The following BICDL2 variants were observed in gnomAD, a reference collection of about 807,000 sequenced individuals.
BICDL2 encodes BICD family-like cargo adapter 2.
Under a neutral mutation model 56.6 loss-of-function variants are expected in BICDL2, and 62 were observed. The ratio of observed to expected loss-of-function variants is 1.10; its 90% confidence interval spans 0.89 to 1.35. BICDL2 has a LOEUF of 1.35. BICDL2 is among the 40% of genes most tolerant of loss of function. The probability of loss-of-function intolerance (pLI) is 0.00; values close to 1 mark genes in which losing one functional copy is unlikely to be tolerated. For missense variants in BICDL2, 808 were observed against 684.5 expected (o/e 1.18, Z -2.01); for synonymous variants, 358 against 319.8 (o/e 1.12, Z -1.27).
intron 8 of BICDL2, 90 bp from the exon 9 acceptor site, chr16:3,028,558 A>T: frequency 7.2e-6 from 11 of 1,532,862 alleles, no homozygotes; most frequent in Non-Finnish European, 9.6e-6. Flanking sequence ...GGGCGGGAGG[A>T]GGGCTGCAAA....
intron 2 of BICDL2, among the ~76,000 whole-genome samples, chr16:3,033,302 G>GT (rs1280975012): frequency 6.6e-6 from 1 of 151,838 alleles, no homozygotes; most frequent in Non-Finnish European, 1.5e-5. Context: ...GAGACTCCAT[G>GT]TAAATAACAA....
chr16:3,030,020 T>C, intron 5 of BICDL2: 1 of 508,586 alleles, frequency 2.0e-6, no homozygotes, highest in Non-Finnish European at 3.4e-6. Context: ...GCAGCATTTA[T>C]TGGTGCTACT....
chr16:3,033,786 C>T (rs1955689009), intron 2 of BICDL2, among the ~76,000 whole-genome samples: 1 of 131,702 alleles, frequency 7.6e-6, no homozygotes, highest in Non-Finnish European at 1.7e-5. Context: ...GACCCTGTCT[C>T]CAAAAAAAGA....
chr16:3,033,741 C>T (rs1482820569), intron 2 of BICDL2, among the ~76,000 whole-genome samples: 1 of 151,896 alleles, frequency 6.6e-6, no homozygotes, highest in African/African-American at 2.4e-5. Flanking sequence ...GCTATGATTG[C>T]ACCACTGCAC....
At chr16:3,031,972 C>A (rs1303733766) in intron 2 of BICDL2, 1 of 152,706 alleles carries the variant, frequency 6.5e-6, no homozygotes, top group East Asian at 1.9e-4. Context: ...TACTCTTTGG[C>A]CCAGGCTAGA....
intron 1 of BICDL2, chr16:3,036,471 C>G: frequency 2.2e-6 from 1 of 456,456 alleles, no homozygotes; most frequent in Non-Finnish European, 4.4e-6. Context: ...GCACACACAC[C>G]CGTGCTCTCC....
intron 2 of BICDL2, chr16:3,031,700 G>C (rs368860303): frequency 2.5e-6 from 1 of 400,222 alleles, no homozygotes; most frequent in Admixed American, 4.3e-5. Flanking sequence ...GTTAACCTCT[G>C]GCCCACTCTC....
chr16:3,028,086 C>T lies in BICDL2; in HGVS notation c.*20G>A, dbSNP rs1195077760. On this transcript the variant is annotated 3_prime_UTR_variant, in exon 10 of 10. Coordinates refer to ENST00000572449, the MANE Select transcript of BICDL2 (RefSeq NM_001369667.1). ...AAGTGAGCCCCTAAGTGGGCAAGGG[C>T]AGCCCTCTGGGCCCAGCCGTCAGGT... The T allele has an allele frequency of 1.4e-6, 2 of 1,407,916 alleles. No individual in the cohort carries two copies. Among genetic ancestry groups the T allele is most frequent in the East Asian group, 5.9e-5 (2 of 34,040 alleles). The allele number at this position is 1,407,916 out of a possible 1,614,324, so 87.2% of individuals were successfully genotyped here.
chr16:3,032,522 C>G (rs1955671748), intron 2 of BICDL2: 1 of 152,158 alleles, frequency 6.6e-6, no homozygotes, highest in African/African-American at 2.4e-5. Context: ...AGCTTAGAGT[C>G]CAGAGGGCAT....
chr16:3,035,648 C>G (rs994217367), intron 1 of BICDL2, 122 bp from the exon 2 acceptor site: 1 of 845,624 alleles, frequency 1.2e-6, no homozygotes, highest in African/African-American at 1.7e-5. Flanking sequence ...TCCTGGGCCA[C>G]AAAGGGTTAA....
At chr16:3,036,337 C>T (rs1364716127) in intron 1 of BICDL2, 2 of 444,448 alleles carry the variant, frequency 4.5e-6, no homozygotes, top group East Asian at 7.0e-5. Context: ...CGGTCCGCCC[C>T]TGGGGACGGG....
Position 3,028,440 on chromosome 16 carries a change from G to A in BICDL2, c.1267C>T (p.Arg423Cys), listed in dbSNP as rs937350977. Residue 423 changes from arginine to cysteine, a missense_variant, in exon 9 of 10, where the codon CGC (arginine) becomes TGC (cysteine). Coordinates refer to ENST00000572449, the MANE Select transcript of BICDL2 (RefSeq NM_001369667.1). ...KALELSLQLN[R>C]VSLERDSLSR... ...AGGGAGTCTCGCTCCAGCGAGACGC[G>A]GTTGAGCTGCAGGGACAGCTCCAGG... 2.6e-6 allele frequency: 4 copies of A among 1,565,888 alleles called. No individual in the cohort carries two copies. The African/African-American group carries it at 5.4e-5, about 21-fold the overall frequency.
At position 3,029,330 on chromosome 16, in the gene BICDL2, C is replaced by T. The variant is rs774472557; in HGVS notation, c.1057G>A (p.Ala353Thr). The change falls in exon 7 of 10, where the codon GCG becomes ACG. Residue 353 changes from alanine to threonine, a missense_variant. Ala to Thr is a moderately conservative substitution (Grantham distance 58). Coordinates refer to ENST00000572449, the MANE Select transcript of BICDL2 (RefSeq NM_001369667.1). The part of the protein sequence containing the change: ...PPKKRTSLSP[A>T]EILEEKEVEV... ...ACCTCCTTCTCCTCCAGTATCTCCGCTGGACTGAGGGATGTTCGCTTCTTG... is the reference window on the plus strand; with the variant it reads ...ACCTCCTTCTCCTCCAGTATCTCCGTTGGACTGAGGGATGTTCGCTTCTTG... 1.3e-5 allele frequency: 21 copies of T among 1,611,264 alleles called. No individual in the cohort carries two copies. Among genetic ancestry groups the T allele is most frequent in the Non-Finnish European group, 1.5e-5 (18 of 1,179,474 alleles).
In BICDL2 at chr16:3,028,152, G is replaced by A; in HGVS notation, c.1481C>T (p.Pro494Leu). 3 of 1,444,088 alleles carry A rather than the reference G, an allele frequency of 2.1e-6. No individual in the cohort carries two copies. The highest frequency in any genetic ancestry group is 2.7e-6 in the Non-Finnish European group (3 of 1,106,324). The allele number at this position is 1,444,088 out of a possible 1,614,324, so 89.5% of individuals were successfully genotyped here. Residue 494 changes from proline to leucine, a missense_variant, in exon 10 of 10, where the codon CCC (proline) becomes CTC (leucine). Coordinates refer to ENST00000572449, the MANE Select transcript of BICDL2 (RefSeq NM_001369667.1). ...AAPRFSLRLG[P>L]GPAGGFLSNL... ...ACTGAGAAAGCCACCGGCGGGCCCG[G>A]GGCCCAGGCGCAGCGAGAAGCGGGG...
intron 2 of BICDL2, among the ~76,000 whole-genome samples, chr16:3,033,469 TG>T (rs1049177007): frequency 6.6e-6 from 1 of 151,658 alleles, no homozygotes; most frequent in African/African-American, 2.4e-5. Flanking sequence ...TTGCGGATAT[TG>T]GGGGGAATTT....
At chr16:3,036,553 G>A (rs1170704060) in intron 1 of BICDL2, 3 of 452,364 alleles carry the variant, frequency 6.6e-6, no homozygotes, top group Admixed American at 4.8e-5. Context: ...TCCCAGCCCA[G>A]CCGCCCCCAG....
In BICDL2 at chr16:3,030,440, G is replaced by A. The variant is rs1162278242; in HGVS notation, c.762+9C>T. ...CAGGCAGTTGTAGTCCCCCAGCCCT[G>A]CAGGTCACCTCCAGGCTGTGCTCCC... On this transcript the variant is annotated intron_variant, in intron 5 of 9. Transcript: ENST00000572449. 2 of 1,597,266 alleles carry A rather than the reference G, an allele frequency of 1.3e-6. No individual in the cohort carries two copies. The highest frequency in any genetic ancestry group is 1.3e-5 in the African/African-American group (1 of 74,814).
At chr16:3,035,138 C>T in intron 2 of BICDL2, 77 bp downstream of exon 2, 1 of 1,271,246 alleles carries the variant, frequency 7.9e-7, no homozygotes, top group Non-Finnish European at 1.1e-6. Context: ...TTGCCTGACT[C>T]CCTTCCCTTG....
At chr16:3,031,671 G>T (rs1008406103) in intron 2 of BICDL2, 9 of 402,198 alleles carry the variant, frequency 2.2e-5, no homozygotes, top group Non-Finnish European at 3.5e-5. Flanking sequence ...CCCAGCGTGG[G>T]GAGGCAGATG....
Sources: gnomAD v4.1 joint callset for allele counts (sites outside exome capture counted in the v4.1 genomes callset) on GRCh38, gnomAD v4.1.1 for gene constraint, MANE v1.5 for transcripts, NCBI Gene and HGNC (gene_info 2026-07-23, HGNC 2026-07-21) for gene names.